The following FTO variants were observed in gnomAD, a reference collection of about 807,000 sequenced individuals.
FTO encodes alpha-ketoglutarate-dependent dioxygenase FTO.
FTO carries 47 observed loss-of-function variants against 63.9 expected under a neutral mutation model. That is an observed-to-expected ratio of 0.74 (90% CI 0.58 to 0.94). The LOEUF (loss-of-function observed/expected upper bound fraction) is 0.94. Among genes scored for constraint, FTO ranks in the 40% least tolerant of loss-of-function variants. FTO has a pLI of 0.00. For missense variants in FTO, 562 were observed against 618.1 expected (o/e 0.91, Z 0.96); for synonymous variants, 207 against 224.4 (o/e 0.92, Z 0.69).
chr16:54,104,154 G>A (rs2086696377), intron 8 of FTO, among the ~76,000 whole-genome samples: 2 of 152,066 alleles, frequency 1.3e-5, no homozygotes, highest in South Asian at 4.1e-4. Flanking sequence ...TTGAACAGAG[G>A]ACATTAGGGT....
chr16:53,880,652 T>C (rs1164020388), intron 6 of FTO, among the ~76,000 whole-genome samples: 1 of 152,124 alleles, frequency 6.6e-6, no homozygotes, highest in African/African-American at 2.4e-5. Flanking sequence ...CCCTCTCACT[T>C]TCCTTAGACG....
At chr16:53,949,064 G>T (rs187476966) in intron 8 of FTO, among the ~76,000 whole-genome samples, 7 of 152,310 alleles carry the variant, frequency 4.6e-5, no homozygotes, top group Non-Finnish European at 7.3e-5. Context: ...TGTATATGGT[G>T]CTCATTGTCA....
At chr16:53,894,813 A>C (rs2081237403) in intron 7 of FTO, among the ~76,000 whole-genome samples, 1 of 152,172 alleles carries the variant, frequency 6.6e-6, no homozygotes, top group African/African-American at 2.4e-5. Context: ...TTTTAAATTA[A>C]AATGTAAATT....
rs561780677 is a variant in FTO, at chr16:54,080,791, CAT to C, written c.1365-30970_1365-30969del. 4.2e-3 allele frequency among the ~76,000 whole-genome samples: 638 copies of C among 152,302 alleles called. 6 individuals are homozygous for C. The highest frequency in any genetic ancestry group is 0.014 in the African/African-American group (597 of 41,574). ...AAACTCATGGGAAAAGGGACTGACT[CAT>C]GTGCAGTTTGGCCTGAAGCATTTGC... On this transcript the variant is annotated intron_variant, in intron 8 of 8. Transcript: ENST00000471389.
intron 1 of FTO, among the ~76,000 whole-genome samples, chr16:53,719,449 T>A (rs1463505652): frequency 6.6e-6 from 1 of 152,026 alleles, no homozygotes; most frequent in Non-Finnish European, 1.5e-5. Flanking sequence ...TATCTTAGAA[T>A]GGGAGAGTTT....
At chr16:53,736,068 CTTA>C (rs1227397149) in intron 1 of FTO, among the ~76,000 whole-genome samples, 1 of 152,100 alleles carries the variant, frequency 6.6e-6, no homozygotes, top group Admixed American at 6.5e-5. Context: ...ATGAATAGGT[CTTA>C]TTATTATTAT....
At chr16:53,761,827 T>C (rs2077079936) in intron 1 of FTO, among the ~76,000 whole-genome samples, 1 of 152,172 alleles carries the variant, frequency 6.6e-6, no homozygotes, top group Admixed American at 6.5e-5. Flanking sequence ...CGGCTCCTTA[T>C]GGATATGAAT....
chr16:53,704,300 G>A (rs1971833735), intron 1 of FTO, 71 bp downstream of exon 1: 1 of 1,459,708 alleles, frequency 6.9e-7, no homozygotes, highest in Non-Finnish European at 9.4e-7. Flanking sequence ...GGAAGGGCTT[G>A]GTTTGATGGC....
intron 7 of FTO, among the ~76,000 whole-genome samples, chr16:53,929,537 C>G (rs2082230008): frequency 6.6e-6 from 1 of 152,152 alleles, no homozygotes; most frequent in African/African-American, 2.4e-5. Context: ...CATAAGTTAT[C>G]ATTTTTTTAG....
chr16:54,058,003 G>A (rs2085477915), intron 8 of FTO, among the ~76,000 whole-genome samples: 1 of 152,080 alleles, frequency 6.6e-6, no homozygotes, highest in African/African-American at 2.4e-5. Flanking sequence ...TCATTCCCAC[G>A]GCCTCTTCCT....
At chr16:53,816,800 T>G (rs902224053) in intron 2 of FTO, among the ~76,000 whole-genome samples, 1 of 152,176 alleles carries the variant, frequency 6.6e-6, no homozygotes, top group Non-Finnish European at 1.5e-5. Context: ...ATACCGTATA[T>G]TTTACTTATT....
intron 4 of FTO, among the ~76,000 whole-genome samples, chr16:53,851,860 T>C (rs2079807192): frequency 6.6e-6 from 1 of 152,000 alleles, no homozygotes; most frequent in Non-Finnish European, 1.5e-5. Flanking sequence ...AGTGAAAAAC[T>C]CCACCTATCC....
rs111449813 is a variant in FTO, at chr16:53,960,717, T to A, written c.1364+26608T>A. Among the ~76,000 whole-genome samples, 43 of 141,016 alleles carry A rather than the reference T, an allele frequency of 3.0e-4. 1 individual carries two copies. Among genetic ancestry groups the A allele is most frequent in the African/African-American group, 1.1e-3 (39 of 35,976 alleles). The allele number at this position is 141,016 out of a possible 152,430, so 92.5% of individuals were successfully genotyped here. On this transcript the variant is annotated intron_variant, in intron 8 of 8. Transcript: ENST00000471389. The stretch of plus-strand genomic sequence containing the variant: ...TGGGTTCAATTACCAGAAATGGGGG[T>A]GGGGGGGGCGCGGTTACCTGAGATA...
chr16:54,041,834 G>A (rs1407314138), intron 8 of FTO, among the ~76,000 whole-genome samples: 1 of 152,220 alleles, frequency 6.6e-6, no homozygotes, highest in Non-Finnish European at 1.5e-5. Context: ...GATGGAGGTT[G>A]AGAGTGTCTA....
intron 1 of FTO, among the ~76,000 whole-genome samples, chr16:53,792,581 C>T (rs2077953764): frequency 6.6e-6 from 1 of 152,164 alleles, no homozygotes; most frequent in African/African-American, 2.4e-5. Context: ...AGCCAGAAAT[C>T]CTGCTGATCT....
intron 8 of FTO, chr16:54,064,019 A>T (rs2085658415): frequency 1.3e-5 from 2 of 150,214 alleles, no homozygotes; most frequent in African/African-American, 2.4e-5. Flanking sequence ...TTCCTTTATT[A>T]TTTTGCCACC....
At chr16:53,786,741 C>G (rs2077750089) in intron 1 of FTO, among the ~76,000 whole-genome samples, 1 of 152,072 alleles carries the variant, frequency 6.6e-6, no homozygotes, top group African/African-American at 2.4e-5. Flanking sequence ...TAACTTTAAG[C>G]TGGTTATTCC....
chr16:53,709,788 T>C (rs2075722631), intron 1 of FTO, among the ~76,000 whole-genome samples: 2 of 152,226 alleles, frequency 1.3e-5, no homozygotes, highest in Non-Finnish European at 2.9e-5. Flanking sequence ...AACAATTTTT[T>C]TAATGAACCA....
intron 1 of FTO, among the ~76,000 whole-genome samples, chr16:53,710,432 A>AT: frequency 1.3e-5 from 2 of 151,728 alleles, no homozygotes; most frequent in Admixed American, 1.3e-4. Flanking sequence ...CACCCAGCTA[A>AT]TTTTTGTATT....
Sources: allele counts gnomAD v4.1 joint callset (sites outside exome capture counted in the v4.1 genomes callset), GRCh38; gene constraint gnomAD v4.1.1; transcripts MANE v1.5; gene names NCBI Gene and HGNC (gene_info 2026-07-23, HGNC 2026-07-21).